Variants in UBE2QL1 observed in about 807,000 individuals in gnomAD.
The protein encoded by UBE2QL1 is ubiquitin conjugating enzyme E2 QL1.
UBE2QL1 carries 5 observed loss-of-function variants against 12.6 expected under a neutral mutation model. The observed-to-expected ratio is 0.40, with a 90% CI of 0.21 to 0.83. The LOEUF (loss-of-function observed/expected upper bound fraction) is 0.83, where lower values mean the gene tolerates loss of function less well. Ranked by LOEUF, UBE2QL1 falls within the 40% of genes least tolerant of loss-of-function variation. The probability of loss-of-function intolerance (pLI) is 0.37; values close to 1 mark genes in which losing one functional copy is unlikely to be tolerated. For synonymous variants in UBE2QL1, 96 were observed against 94.5 expected, an observed-to-expected ratio of 1.02 and a Z score of -0.10; for missense variants, 99 against 222.6, an observed-to-expected ratio of 0.44 and a Z score of 3.53.
At position 6,495,204 on chromosome 5, in the gene UBE2QL1, T is replaced by C. The variant is rs192298573; in HGVS notation, c.*3855T>C. Among the ~76,000 whole-genome samples the C allele has an allele frequency of 2.9e-4, 44 of 152,274 alleles. No homozygotes were observed. The highest frequency in any genetic ancestry group is 1.4e-3 in the Admixed American group (22 of 15,298). On this transcript the variant is annotated 3_prime_UTR_variant, in exon 2 of 2. Coordinates refer to ENST00000399816, the MANE Select transcript of UBE2QL1 (RefSeq NM_001145161.3). The stretch of plus-strand genomic sequence containing the variant: ...TGCCACCTCTCACCTGCAGAGTCCC[T>C]ATTCATGGAGCTGATTTCAGGAAGC...
chr5:6,466,399 G>A (rs749612692), intron 1 of UBE2QL1, among the ~76,000 whole-genome samples: 5 of 152,200 alleles, frequency 3.3e-5, no homozygotes, highest in Non-Finnish European at 5.9e-5. Context: ...CTGAGAGCAG[G>A]CCACCTGCAG....
chr5:6,488,571 A>T (rs1321964538), intron 1 of UBE2QL1, among the ~76,000 whole-genome samples: 1 of 105,534 alleles, frequency 9.5e-6, no homozygotes, highest in Admixed American at 9.5e-5. Flanking sequence ...TCAAGGTAGG[A>T]GGATTGCTTG....
chr5:6,491,131 C>T, intron 1 of UBE2QL1, 87 bp from the exon 2 acceptor site: 1 of 1,407,774 alleles, frequency 7.1e-7, no homozygotes. Context: ...CAGAAATCCC[C>T]ACGACTCTGT....
rs528165375 is a variant in UBE2QL1 at position 6,472,346 on chromosome 5, C to T, written c.355-18872C>T. On this transcript the variant is annotated intron_variant, in intron 1 of 1. Transcript: ENST00000399816. ...ACCCAGCTGTGAGCTCACAAGAGCA[C>T]GAGCCTCGGTATGTGGATTGTCTCG... is the stretch of plus-strand genomic sequence containing the variant. Among the ~76,000 whole-genome samples the T allele has an allele frequency of 5.3e-5, 8 of 152,270 alleles. No homozygotes were observed. The East Asian group carries it at 9.7e-4, about 18-fold the overall frequency.
At chr5:6,486,983 T>C (rs1271651254) in intron 1 of UBE2QL1, among the ~76,000 whole-genome samples, 2 of 152,226 alleles carry the variant, frequency 1.3e-5, no homozygotes, top group East Asian at 3.9e-4. Context: ...CCACACCCTC[T>C]GTCCCAACAG....
At chr5:6,485,994 A>G (rs543107946) in intron 1 of UBE2QL1, among the ~76,000 whole-genome samples, 1 of 152,338 alleles carries the variant, frequency 6.6e-6, no homozygotes, top group East Asian at 1.9e-4. Flanking sequence ...TATTCTTTCA[A>G]GAGAACAGAA....
At position 6,461,544 on chromosome 5, in the gene UBE2QL1, C is replaced by CCG. The variant is rs368653208; in HGVS notation, c.354+12298_354+12299insGC. 3.9e-4 allele frequency among the ~76,000 whole-genome samples: 34 copies of CCG among 86,966 alleles called. 6 individuals carry two copies. Among genetic ancestry groups the CCG allele is most frequent in the African/African-American group, 1.2e-3 (25 of 21,224 alleles). The allele number at this position is 86,966 out of a possible 152,430, so 57.1% of individuals were successfully genotyped here. On this transcript the variant is annotated intron_variant, in intron 1 of 1. Coordinates refer to ENST00000399816, the MANE Select transcript of UBE2QL1 (RefSeq NM_001145161.3). ...CCCCAGTGTTTTTCAGCACCCACCA[C>CCG]CCCCCCCCGCCGGCATATCATTCTA...
chr5:6,450,029 A>G (rs1191214398), intron 1 of UBE2QL1, among the ~76,000 whole-genome samples: 2 of 151,148 alleles, frequency 1.3e-5, no homozygotes, highest in Non-Finnish European at 1.5e-5. Flanking sequence ...GCTCTTGGGA[A>G]CTCACTCTAG....
intron 1 of UBE2QL1, among the ~76,000 whole-genome samples, chr5:6,490,635 A>G (rs1461423021): frequency 2.6e-5 from 4 of 152,384 alleles, no homozygotes; most frequent in Admixed American, 2.0e-4. Flanking sequence ...CTGAAGTGAC[A>G]TGAATTCCAA....
intron 1 of UBE2QL1, among the ~76,000 whole-genome samples, chr5:6,458,656 A>G (rs1460418259): frequency 6.6e-6 from 1 of 152,210 alleles, no homozygotes; most frequent in Non-Finnish European, 1.5e-5. Context: ...GTAAAGATCA[A>G]TTGCTGCTAG....
intron 1 of UBE2QL1, among the ~76,000 whole-genome samples, chr5:6,471,231 C>T (rs507971): frequency 0.76 from 115,762 of 152,148 alleles, 44,894 homozygotes; most frequent in South Asian, 0.93. Context: ...TGGTTATCTC[C>T]TGCAGCATAG....
In UBE2QL1 at chr5:6,493,786, G is replaced by T. The variant is rs11134162; in HGVS notation, c.*2437G>T. ...ACTCCCTTTCTGGTAGACTCCCTTC[G>T]TAGGCAAGCACGGTGGTGCCCAGCC... On this transcript the variant is annotated 3_prime_UTR_variant, in exon 2 of 2. Transcript: ENST00000399816. 6.6e-6 allele frequency: 1 copy of T among 152,238 alleles called. No individual in the cohort carries two copies. The highest frequency in any genetic ancestry group is 1.5e-5 in the Non-Finnish European group (1 of 68,048). 9.4% of individuals were successfully genotyped at this position (152,238 alleles called of 1,614,324 possible).
intron 1 of UBE2QL1, among the ~76,000 whole-genome samples, chr5:6,451,200 A>G (rs1739405945): frequency 6.6e-6 from 1 of 152,166 alleles, no homozygotes; most frequent in South Asian, 2.1e-4. Flanking sequence ...ACCACTGCCT[A>G]TATTTTGAAA....
At chr5:6,454,369 A>G (rs1739473999) in intron 1 of UBE2QL1, among the ~76,000 whole-genome samples, 1 of 151,978 alleles carries the variant, frequency 6.6e-6, no homozygotes, top group African/African-American at 2.4e-5. Flanking sequence ...TCTGTGTCCT[A>G]ATCTCCTCTT....
chr5:6,471,834 A>T (rs1296273248), intron 1 of UBE2QL1, among the ~76,000 whole-genome samples: 1 of 152,206 alleles, frequency 6.6e-6, no homozygotes, highest in Non-Finnish European at 1.5e-5. Flanking sequence ...ATGGATGTAT[A>T]TATAAACTAT....
In UBE2QL1 at chr5:6,461,406, A is replaced by G. The variant is rs1739655191; in HGVS notation, c.354+12159A>G. 2.0e-5 allele frequency among the ~76,000 whole-genome samples: 3 copies of G among 152,022 alleles called. No individual in the cohort carries two copies. The South Asian group carries it at 6.2e-4, about 32-fold the overall frequency. The stretch of plus-strand genomic sequence containing the variant: ...ACAGAGTGTGGGATACAGCTAACTG[A>G]TCCTCCAGGATTTCTACGCTGTTTT... On this transcript the variant is annotated intron_variant, in intron 1 of 1. Transcript: ENST00000399816.
intron 1 of UBE2QL1, among the ~76,000 whole-genome samples, chr5:6,463,598 G>GTTATTATTA (rs149126743): frequency 0.026 from 3,518 of 137,216 alleles, 60 homozygotes; most frequent in Middle Eastern, 0.037. Context: ...TATTTGTGCT[G>GTTATTATTA]TTATTATTAT....
intron 1 of UBE2QL1, among the ~76,000 whole-genome samples, chr5:6,457,997 AT>A (rs1739565470): frequency 6.6e-6 from 1 of 152,256 alleles, no homozygotes; most frequent in African/African-American, 2.4e-5. Flanking sequence ...CCTTGTATTG[AT>A]TGAGCAAAAT....
chr5:6,489,347 C>G (rs1002732399), intron 1 of UBE2QL1, among the ~76,000 whole-genome samples: 1 of 151,782 alleles, frequency 6.6e-6, no homozygotes, highest in African/African-American at 2.4e-5. Context: ...TTGTTTGAGC[C>G]CAGGAGTTTG....
Sources: allele counts gnomAD v4.1 joint callset (sites outside exome capture counted in the v4.1 genomes callset), GRCh38; gene constraint gnomAD v4.1.1; transcripts MANE v1.5; gene names NCBI Gene and HGNC (gene_info 2026-07-23, HGNC 2026-07-21).